PACRG: variants seen among roughly 807,000 people sequenced by gnomAD.
PACRG encodes parkin coregulated, also known as parkin coregulated gene protein.
In PACRG, 29 loss-of-function variants were observed where a neutral mutation model predicts 29.7. The ratio of observed to expected loss-of-function variants is 0.98; its 90% CI spans 0.73 to 1.33. The LOEUF is 1.33. Among genes scored for constraint, PACRG ranks in the 40% most tolerant of loss-of-function variants. The pLI is 0.00. For missense variants in PACRG, 279 were observed against 316.2 expected, an observed-to-expected ratio of 0.88 and a Z score of 0.89; for synonymous variants, 116 against 118.7, an observed-to-expected ratio of 0.98 and a Z score of 0.15.
At chr6:163,225,712 A>G (rs763863233) in intron 4 of PACRG, among the ~76,000 whole-genome samples, 8 of 152,242 alleles carry the variant, frequency 5.3e-5, no homozygotes, top group Non-Finnish European at 1.0e-4. Context: ...TTCTGGGTAT[A>G]TAGATGCAAA....
chr6:162,767,211 G>GT (rs950000425), intron 1 of PACRG, among the ~76,000 whole-genome samples: 12 of 151,662 alleles, frequency 7.9e-5, no homozygotes, highest in African/African-American at 2.9e-4. Flanking sequence ...TCATTTAAGA[G>GT]TTTTTTTTGT....
chr6:162,995,311 T>C (rs1403150570), intron 2 of PACRG, among the ~76,000 whole-genome samples: 1 of 151,024 alleles, frequency 6.6e-6, no homozygotes, highest in Non-Finnish European at 1.5e-5. Context: ...TAAGCAAGCC[T>C]GGGCAATGGC....
intron 2 of PACRG, among the ~76,000 whole-genome samples, chr6:162,990,896 A>G (rs1196905475): frequency 1.8e-5 from 1 of 54,450 alleles, no homozygotes; most frequent in Non-Finnish European, 3.0e-5. Context: ...TCTTTAATCC[A>G]TCTTGAATTG....
intron 4 of PACRG, among the ~76,000 whole-genome samples, chr6:163,290,290 A>ATG (rs1784553494): frequency 9.8e-6 from 1 of 102,306 alleles, no homozygotes; most frequent in East Asian, 2.4e-4. Context: ...ACACACACAC[A>ATG]CACACACACA....
At position 163,111,100 on chromosome 6, in the gene PACRG, T is replaced by A. The variant is rs1275349879; in HGVS notation, c.613+21692T>A. 2.0e-5 allele frequency among the ~76,000 whole-genome samples: 3 copies of A among 152,230 alleles called. No individual in the cohort carries two copies. In the East Asian group the frequency reaches 5.8e-4, roughly 29 times the overall value. ...CATTTATAGTCAAGCAATTCATTCC[T>A]ATTTCTTCTCACCACCCACTTTGTG... On this transcript the variant is annotated intron_variant, in intron 4 of 4. Coordinates refer to ENST00000366888, the MANE Select transcript of PACRG (RefSeq NM_001080379.2).
intron 2 of PACRG, among the ~76,000 whole-genome samples, chr6:162,932,759 T>C (rs1162319863): frequency 6.6e-6 from 1 of 151,960 alleles, no homozygotes; most frequent in Non-Finnish European, 1.5e-5. Flanking sequence ...CTTATTTGGC[T>C]CTTCTCTCTT....
chr6:162,882,735 A>G (rs1413683868), intron 2 of PACRG, among the ~76,000 whole-genome samples: 1 of 151,700 alleles, frequency 6.6e-6, no homozygotes, highest in East Asian at 1.9e-4. Context: ...GCATCCCCCA[A>G]CTCCATCCCA....
intron 2 of PACRG, among the ~76,000 whole-genome samples, chr6:162,949,456 A>G (rs776571662): frequency 7.9e-5 from 12 of 152,156 alleles, no homozygotes; most frequent in African/African-American, 1.9e-4. Flanking sequence ...TAGGGTGACT[A>G]TAGTTAATAA....
chr6:163,121,448 G>T (rs1014927328), intron 4 of PACRG, among the ~76,000 whole-genome samples: 2 of 151,994 alleles, frequency 1.3e-5, no homozygotes, highest in Non-Finnish European at 2.9e-5. Context: ...ACAGAGTCAT[G>T]GGCTCACTCT....
At chr6:162,795,584 T>G (rs547294871) in intron 1 of PACRG, among the ~76,000 whole-genome samples, 1 of 152,278 alleles carries the variant, frequency 6.6e-6, no homozygotes, top group East Asian at 1.9e-4. Context: ...TTAAAATAAT[T>G]CAGTGTAAAC....
intron 4 of PACRG, among the ~76,000 whole-genome samples, chr6:163,124,078 A>G (rs1816417728): frequency 6.6e-6 from 1 of 152,242 alleles, no homozygotes; most frequent in East Asian, 1.9e-4. Context: ...CCATAGTGGC[A>G]GCAGTATGTA....
Position 163,280,034 on chromosome 6 carries a change from G to A in PACRG, c.614-34793G>A, listed in dbSNP as rs114695656. On this transcript the variant is annotated intron_variant, in intron 4 of 4. Coordinates refer to ENST00000366888, the MANE Select transcript of PACRG (RefSeq NM_001080379.2). ...TTCTGAGTGAGCCCTCCCTCCAGAG[G>A]CAGAGATTGTTTTCGCTCGGGTCTG... Among the ~76,000 whole-genome samples the A allele has an allele frequency of 7.9e-3, 1,202 of 152,274 alleles. 20 individuals are homozygous for A. Among genetic ancestry groups the A allele is most frequent in the African/African-American group, 0.028 (1,166 of 41,562 alleles).
At chr6:163,199,742 C>T (rs1025162700) in intron 4 of PACRG, among the ~76,000 whole-genome samples, 1 of 152,156 alleles carries the variant, frequency 6.6e-6, no homozygotes, top group Non-Finnish European at 1.5e-5. Flanking sequence ...TTGAACTCCT[C>T]GCAGAACTCA....
At chr6:163,266,094 G>C (rs1241895635) in intron 4 of PACRG, among the ~76,000 whole-genome samples, 1 of 152,172 alleles carries the variant, frequency 6.6e-6, no homozygotes, top group Non-Finnish European at 1.5e-5. Context: ...ATTGAAATAT[G>C]TTAAAGCCAT....
chr6:162,871,921 AAAAACAAAAACAAAAACAAAAC>A (rs1237534248), intron 2 of PACRG, among the ~76,000 whole-genome samples: 5 of 152,132 alleles, frequency 3.3e-5, no homozygotes, highest in African/African-American at 1.2e-4. Context: ...CGTCTCAAAA[AAAAACAAAAACAAAAACAAAAC>A]AAAACAAAAA....
intron 4 of PACRG, among the ~76,000 whole-genome samples, chr6:163,214,211 A>C (rs1340043955): frequency 6.6e-6 from 1 of 152,140 alleles, no homozygotes; most frequent in East Asian, 1.9e-4. Flanking sequence ...AAGGACGTGA[A>C]TTTTTTATTT....
At chr6:163,283,503 A>G (rs1272240007) in intron 4 of PACRG, among the ~76,000 whole-genome samples, 2 of 152,266 alleles carry the variant, frequency 1.3e-5, no homozygotes, top group Non-Finnish European at 2.9e-5. Flanking sequence ...GGTTTTTCCA[A>G]TAAAAACAAA....
intron 4 of PACRG, chr6:163,310,664 T>G (rs1785377839): frequency 6.6e-6 from 1 of 152,146 alleles, no homozygotes; most frequent in Non-Finnish European, 1.5e-5. Context: ...TTTTTTCCTT[T>G]CTCCTGTAAT....
chr6:162,932,630 A>G (rs528689812), intron 2 of PACRG, among the ~76,000 whole-genome samples: 21 of 152,044 alleles, frequency 1.4e-4, no homozygotes, highest in African/African-American at 4.6e-4. Flanking sequence ...ATGTGTCCAG[A>G]AGCTTATCAT....
Sources: gnomAD v4.1 joint callset for allele counts (sites outside exome capture counted in the v4.1 genomes callset) on GRCh38, gnomAD v4.1.1 for gene constraint, MANE v1.5 for transcripts, NCBI Gene and HGNC (gene_info 2026-07-23, HGNC 2026-07-21) for gene names.